The following PCDH11X variants were observed in gnomAD, a reference collection of about 807,000 sequenced individuals.
PCDH11X encodes protocadherin-11 X-linked.
A neutral mutation model predicts 53.3 loss-of-function variants in PCDH11X; 18 were observed. The ratio of observed to expected loss-of-function variants is 0.34; its 90% CI spans 0.23 to 0.50. PCDH11X has a LOEUF of 0.50. Ranked by LOEUF, PCDH11X falls within the 20% of genes least tolerant of loss-of-function variation. PCDH11X has a pLI of 0.98. For missense variants in PCDH11X, 570 were observed against 1,032.4 expected, an observed-to-expected ratio of 0.55 and a Z score of 6.14; for synonymous variants, 279 against 393.3, an observed-to-expected ratio of 0.71 and a Z score of 3.44.
chrX:92,232,309 A>C (rs1380760463), intron 7 of PCDH11X, among the ~76,000 whole-genome samples: 1 of 111,327 alleles, frequency 9.0e-6, no homozygotes, highest in East Asian at 2.8e-4. Flanking sequence ...GCAAGGCATA[A>C]AACAAGGACC....
intron 10 of PCDH11X, among the ~76,000 whole-genome samples, chrX:92,593,684 T>C (rs1253101002): frequency 9.3e-6 from 1 of 107,032 alleles, no homozygotes; most frequent in Admixed American, 1.2e-4. Flanking sequence ...TGTTAACAAA[T>C]GGCTAAAATT....
rs1213007430 is a variant in PCDH11X at position 92,387,869 on chromosome X, G to A, written c.3279G>A (p.Glu1093=). 8.3e-7 allele frequency: 1 copy of A among 1,211,261 alleles called. No individual in the cohort carries two copies. The highest frequency in any genetic ancestry group is 1.1e-6 in the Non-Finnish European group (1 of 895,367). The change falls in exon 9 of 11, where the codon GAG becomes GAA. Residue 1093 remains glutamate (E), a synonymous_variant. Coordinates refer to ENST00000682573, the MANE Select transcript of PCDH11X (RefSeq NM_032968.5). ...HGLPLGYPQE[E]YFDRATPSNR... ...TGCCCCTTGGCTATCCTCAGGAGGA[G>A]TACTTTGATCGTGCTACACCCAGCA...
intron 6 of PCDH11X, among the ~76,000 whole-genome samples, chrX:91,949,470 T>A (rs1201520725): frequency 9.0e-6 from 1 of 110,541 alleles, no homozygotes; most frequent in Admixed American, 9.7e-5. Context: ...CTTATCATTG[T>A]AAAATAAAGA....
intron 6 of PCDH11X, among the ~76,000 whole-genome samples, chrX:92,153,337 T>TAC (rs60031124): frequency 0.029 from 3,023 of 104,292 alleles, 81 homozygotes; most frequent in African/African-American, 0.072. Context: ...TAAATAAATA[T>TAC]ACACACACAC....
intron 6 of PCDH11X, among the ~76,000 whole-genome samples, chrX:91,995,263 A>C (rs1318171967): frequency 1.8e-5 from 2 of 109,710 alleles, no homozygotes; most frequent in Admixed American, 9.7e-5. Flanking sequence ...CACTGCTGAG[A>C]CAAATGTCAA....
intron 4 of PCDH11X, among the ~76,000 whole-genome samples, chrX:91,815,297 A>G (rs1373834690): frequency 8.9e-6 from 1 of 112,090 alleles, no homozygotes; most frequent in East Asian, 2.8e-4. Flanking sequence ...AGTATTGGAA[A>G]TTAATGACTG....
intron 8 of PCDH11X, among the ~76,000 whole-genome samples, chrX:92,313,916 G>A (rs1286795982): frequency 1.8e-4 from 20 of 111,498 alleles, no homozygotes; most frequent in Non-Finnish European, 3.0e-4. Flanking sequence ...AGGCCTGGAA[G>A]TTGCTCTGGG....
At chrX:91,850,366 C>T (rs957077690) in intron 5 of PCDH11X, among the ~76,000 whole-genome samples, 40 of 110,855 alleles carry the variant, frequency 3.6e-4, no homozygotes, top group Non-Finnish European at 6.2e-4. Context: ...GCCTTGCATA[C>T]ATTTTAAACC....
chrX:91,926,057 T>C (rs1176973730), intron 6 of PCDH11X, among the ~76,000 whole-genome samples: 1 of 87,333 alleles, frequency 1.1e-5, no homozygotes, highest in Non-Finnish European at 2.2e-5. Context: ...TGTATGCATA[T>C]ATACACACAC....
chrX:92,584,642 T>A (rs1924136488), intron 10 of PCDH11X, among the ~76,000 whole-genome samples: 1 of 109,064 alleles, frequency 9.2e-6, no homozygotes, highest in African/African-American at 3.3e-5. Context: ...TAAAGAAAAC[T>A]CCAGTTCTAG....
Position 91,974,010 on chromosome X carries a change from C to T in PCDH11X, c.3033+94737C>T, listed in dbSNP as rs780660967. ...AAACCTTTATATTGGGTTTATTTCA[C>T]ATTTGTATCAGTTCTTTATTCTGTT... On this transcript the variant is annotated intron_variant, in intron 6 of 10. Transcript: ENST00000682573. 8.1e-5 allele frequency among the ~76,000 whole-genome samples: 9 copies of T among 111,247 alleles called. No homozygotes were observed. In the East Asian group the frequency reaches 2.5e-3, roughly 31 times the overall value.
chrX:91,817,736 T>C (rs1197031113), intron 4 of PCDH11X, among the ~76,000 whole-genome samples: 1 of 111,176 alleles, frequency 9.0e-6, no homozygotes, highest in African/African-American at 3.3e-5. Flanking sequence ...TAGATGCTTA[T>C]AGTCTAAATA....
intron 6 of PCDH11X, among the ~76,000 whole-genome samples, chrX:92,100,427 G>A (rs1219984844): frequency 9.2e-6 from 1 of 108,713 alleles, no homozygotes; most frequent in Admixed American, 9.8e-5. Flanking sequence ...GTTCTCTGGC[G>A]GGTAGGAGTG....
intron 6 of PCDH11X, among the ~76,000 whole-genome samples, chrX:92,195,452 A>G (rs1178268782): frequency 9.0e-6 from 1 of 111,616 alleles, no homozygotes; most frequent in East Asian, 2.8e-4. Flanking sequence ...CAAATTATTC[A>G]TCTCGTTTTT....
In PCDH11X at chrX:92,164,760, A is replaced by C. The variant is rs537919960; in HGVS notation, c.3034-36615A>C. 4.5e-5 allele frequency among the ~76,000 whole-genome samples: 5 copies of C among 110,113 alleles called. No homozygotes were observed. In the South Asian group the frequency reaches 1.6e-3, roughly 35 times the overall value. ...TCTCATCTTGAATTGTAAGTCTTAG[A>C]ATTCCCACATGTCATGGGAGGAACA... On this transcript the variant is annotated intron_variant, in intron 6 of 10. Transcript: ENST00000682573.
At position 92,342,926 on chromosome X, in the gene PCDH11X, A is replaced by G. The variant is rs186500730; in HGVS notation, c.3145-44809A>G. ...TATATTATTCCATTTATCTTTTCTT[A>G]TAGATGATGAAATGATTTCTATTTT... On this transcript the variant is annotated intron_variant, in intron 8 of 10. Transcript: ENST00000682573. 3.6e-4 allele frequency among the ~76,000 whole-genome samples: 41 copies of G among 112,526 alleles called. No individual in the cohort carries two copies. The East Asian group carries it at 0.01, about 28-fold the overall frequency.
intron 1 of PCDH11X, among the ~76,000 whole-genome samples, chrX:91,795,079 G>A (rs1034255191): frequency 1.8e-5 from 2 of 110,202 alleles, no homozygotes; most frequent in African/African-American, 6.6e-5. Context: ...TCTTTCCTTT[G>A]TAAATTGCCC....
At chrX:92,498,446 C>T (rs773807882) in intron 10 of PCDH11X, among the ~76,000 whole-genome samples, 3 of 111,072 alleles carry the variant, frequency 2.7e-5, no homozygotes, top group Admixed American at 9.7e-5. Flanking sequence ...ATTATACAAA[C>T]AATTTATAGT....
chrX:91,855,413 T>G (rs1938271774), intron 5 of PCDH11X, among the ~76,000 whole-genome samples: 2 of 110,474 alleles, frequency 1.8e-5, no homozygotes, highest in African/African-American at 3.4e-5. Context: ...TGTAGTATAA[T>G]TTGAAGTCAG....
Sources: allele counts gnomAD v4.1 joint callset (sites outside exome capture counted in the v4.1 genomes callset), GRCh38; gene constraint gnomAD v4.1.1; transcripts MANE v1.5; gene names NCBI Gene and HGNC (gene_info 2026-07-23, HGNC 2026-07-21).